The following KDM1A variants were observed in gnomAD, a reference collection of about 807,000 sequenced individuals.
KDM1A encodes the protein lysine demethylase 1A, also known as lysine-specific histone demethylase 1A.
KDM1A carries 49 observed loss-of-function variants against 109.4 expected under a neutral mutation model. That is an observed-to-expected ratio of 0.45 (90% confidence interval 0.36 to 0.57). The LOEUF (loss-of-function observed/expected upper bound fraction) is 0.57. Ranked by LOEUF, KDM1A falls within the 20% of genes least tolerant of loss-of-function variation. KDM1A has a pLI of 0.00. For synonymous variants in KDM1A, 380 were observed against 415.4 expected, an observed-to-expected ratio of 0.91 and a Z score of 1.04; for missense variants, 668 against 1,116.6, an observed-to-expected ratio of 0.60 and a Z score of 5.73.
At chr1:23,081,920 CT>C in intron 19 of KDM1A, 1 of 429,412 alleles carries the variant, frequency 2.3e-6, no homozygotes. Flanking sequence ...TACTTTAACC[CT>C]TTAGGATTCC....
intron 16 of KDM1A, among the ~76,000 whole-genome samples, chr1:23,078,314 C>G (rs998467125): frequency 6.6e-6 from 1 of 152,116 alleles, no homozygotes; most frequent in Non-Finnish European, 1.5e-5. Flanking sequence ...TTCTCGAGTT[C>G]TGCAGCCATA....
intron 3 of KDM1A, 84 bp downstream of exon 3, chr1:23,044,570 T>C (rs1642447803): frequency 8.3e-7 from 1 of 1,208,148 alleles, no homozygotes; most frequent in Non-Finnish European, 1.2e-6. Context: ...TTGGCTGTGG[T>C]ATCCACATTT....
chr1:23,042,444 T>TATTATTATTATTA lies in KDM1A; in HGVS notation c.518-1983_518-1982insATTATTATTATTA, dbSNP rs1489552808. ...TAAAAATCTATGAAATATATTATTT[T>TATTATTATTATTA]TTTTTTTTTTTTTTTTTTTTTTTTT... On this transcript the variant is annotated intron_variant, in intron 2 of 20. Transcript: ENST00000400181. Among the ~76,000 whole-genome samples, 8 of 88,254 alleles carry TATTATTATTATTA rather than the reference T, an allele frequency of 9.1e-5. 1 individual carries two copies. The highest frequency in any genetic ancestry group is 3.4e-4 in the African/African-American group (8 of 23,852). The allele number at this position is 88,254 out of a possible 152,430, so 57.9% of individuals were successfully genotyped here. A position where few individuals can be genotyped will look rare whatever the true frequency, so the allele number is the denominator to read the frequency against.
chr1:23,074,256 G>A (rs1643401187), intron 15 of KDM1A, among the ~76,000 whole-genome samples: 1 of 152,190 alleles, frequency 6.6e-6, no homozygotes, highest in Non-Finnish European at 1.5e-5. Context: ...GTAAATGTCT[G>A]CTCAGATCTT....
intron 13 of KDM1A, 139 bp from the exon 14 acceptor site, chr1:23,071,985 C>T: frequency 3.3e-6 from 2 of 600,790 alleles, no homozygotes; most frequent in East Asian, 2.9e-5. Flanking sequence ...TCTATCTAAC[C>T]CCAGCCTAAA....
intron 19 of KDM1A, 116 bp from the exon 20 acceptor site, chr1:23,082,104 A>T: frequency 9.3e-7 from 1 of 1,071,538 alleles, no homozygotes; most frequent in Non-Finnish European, 1.4e-6. Flanking sequence ...TGGCTCTCAC[A>T]TGTTGCCCCT....
intron 2 of KDM1A, among the ~76,000 whole-genome samples, chr1:23,039,817 T>C (rs887786580): frequency 6.6e-6 from 1 of 152,226 alleles, no homozygotes; most frequent in African/African-American, 2.4e-5. Flanking sequence ...CAACAAAAGT[T>C]TCCTTGTAGG....
In KDM1A at chr1:23,071,204, AT is replaced by A; in HGVS notation, c.1414-18del. 1 of 1,585,562 alleles carries A rather than the reference AT, an allele frequency of 6.3e-7. No individual in the cohort carries two copies. The highest frequency in any genetic ancestry group is 8.6e-7 in the Non-Finnish European group (1 of 1,166,592). On this transcript the variant is annotated intron_variant, in intron 12 of 20. Transcript: ENST00000400181. ...ACTACATTGCTATCTGGAATGGTAAATTTGTATTTTTCCTTCTTAGATGGTA... is the reference window on the plus strand; with the variant it reads ...ACTACATTGCTATCTGGAATGGTAAATTGTATTTTTCCTTCTTAGATGGTA...
intron 3 of KDM1A, among the ~76,000 whole-genome samples, chr1:23,049,888 G>A (rs540062620): frequency 9.9e-5 from 15 of 152,198 alleles, no homozygotes; most frequent in African/African-American, 2.9e-4. Flanking sequence ...GCTTGCCAGC[G>A]TTGAATTATG....
intron 14 of KDM1A, 71 bp from the exon 15 acceptor site, chr1:23,073,221 G>C: frequency 1.2e-6 from 1 of 804,582 alleles, no homozygotes. Flanking sequence ...CAGTTACTGA[G>C]ATCACCTACA....
chr1:23,065,804 C>G (rs1643145069), intron 9 of KDM1A, among the ~76,000 whole-genome samples: 1 of 151,826 alleles, frequency 6.6e-6, no homozygotes, highest in African/African-American at 2.4e-5. Flanking sequence ...TGCTTTCTGA[C>G]ACTTCCCCCT....
At chr1:23,023,664 G>T (rs1641709185) in intron 1 of KDM1A, among the ~76,000 whole-genome samples, 1 of 152,048 alleles carries the variant, frequency 6.6e-6, no homozygotes, top group Non-Finnish European at 1.5e-5. Flanking sequence ...AGATTATTTT[G>T]GCTGTTCTGA....
intron 3 of KDM1A, among the ~76,000 whole-genome samples, chr1:23,049,500 A>T (rs1314749336): frequency 1.3e-5 from 2 of 151,976 alleles, no homozygotes; most frequent in African/African-American, 4.8e-5. Context: ...CCTGGCCAAC[A>T]TGGTGAAGCC....
At chr1:23,040,767 G>A (rs1219280573) in intron 2 of KDM1A, among the ~76,000 whole-genome samples, 2 of 152,102 alleles carry the variant, frequency 1.3e-5, no homozygotes, top group Admixed American at 1.3e-4. Flanking sequence ...CACCCTGGGC[G>A]ACAGAGCAAG....
At chr1:23,045,852 A>G (rs934414016) in intron 3 of KDM1A, among the ~76,000 whole-genome samples, 15 of 152,184 alleles carry the variant, frequency 9.9e-5, no homozygotes, top group Admixed American at 9.8e-4. Context: ...TCTCTCTTCC[A>G]ATCTTTGTCA....
chr1:23,026,394 G>GT (rs754619806), intron 1 of KDM1A, among the ~76,000 whole-genome samples: 693 of 61,554 alleles, frequency 0.011, 12 homozygotes, highest in African/African-American at 0.024. Flanking sequence ...TTGTCTGTTT[G>GT]TTTTTTTTTT....
chr1:23,050,734 T>C (rs2124452799), intron 4 of KDM1A, among the ~76,000 whole-genome samples: 1 of 152,318 alleles, frequency 6.6e-6, no homozygotes, highest in South Asian at 2.1e-4. Flanking sequence ...AGATCCTTCT[T>C]GGATACATTC....
At chr1:23,029,726 G>A (rs1342992662) in intron 1 of KDM1A, among the ~76,000 whole-genome samples, 3 of 152,006 alleles carry the variant, frequency 2.0e-5, no homozygotes, top group Admixed American at 6.6e-5. Context: ...TGCAACCTCC[G>A]CCTCCCAGGT....
chr1:23,063,047 C>A (rs79097771), intron 9 of KDM1A, among the ~76,000 whole-genome samples: 4,208 of 151,940 alleles, frequency 0.028, 102 homozygotes, highest in Non-Finnish European at 0.044. Context: ...ACTGAAAGCA[C>A]AATTGGTGGG....
Sources: gnomAD v4.1 joint callset for allele counts (sites outside exome capture counted in the v4.1 genomes callset) on GRCh38, gnomAD v4.1.1 for gene constraint, MANE v1.5 for transcripts, NCBI Gene and HGNC (gene_info 2026-07-23, HGNC 2026-07-21) for gene names.